ICE2: variants seen among roughly 807,000 people sequenced by gnomAD.
The protein encoded by ICE2 is interactor of little elongation complex ELL subunit 2.
In ICE2, 87 loss-of-function variants were observed where a neutral mutation model predicts 105.4. The ratio of observed to expected loss-of-function variants is 0.83; its 90% CI spans 0.69 to 0.99. The LOEUF (loss-of-function observed/expected upper bound fraction) is 0.99, where lower values mean the gene tolerates loss of function less well. Ranked by LOEUF, ICE2 falls within the 50% of genes least tolerant of loss-of-function variation. The probability of loss-of-function intolerance (pLI) is 0.00; values close to 1 mark genes in which losing one functional copy is unlikely to be tolerated. For missense variants in ICE2, 1,323 were observed against 1,146.7 expected (o/e 1.15, Z -2.22); for synonymous variants, 399 against 392.0 (o/e 1.02, Z -0.21).
chr15:60,432,147 T>G (rs907719996), intron 13 of ICE2, among the ~76,000 whole-genome samples, 163 bp from the exon 14 acceptor site: 4 of 151,622 alleles, frequency 2.6e-5, no homozygotes, highest in African/African-American at 7.3e-5. Context: ...TGGATTAAAT[T>G]ATGATATTTA....
At chr15:60,464,155 G>C (rs1050564538) in intron 5 of ICE2, among the ~76,000 whole-genome samples, 3 of 152,094 alleles carry the variant, frequency 2.0e-5, no homozygotes, top group Non-Finnish European at 4.4e-5. Flanking sequence ...ATACAACTTG[G>C]AGAAAATGTG....
At position 60,453,428 on chromosome 15, in the gene ICE2, G is replaced by A. The variant is rs2064014959; in HGVS notation, c.1125+175C>T. 5 of 1,381,494 alleles carry A rather than the reference G, an allele frequency of 3.6e-6. No individual in the cohort carries two copies. The Admixed American group carries it at 1.2e-4, about 34-fold the overall frequency. 85.6% of individuals were successfully genotyped at this position (1,381,494 alleles called of 1,614,324 possible). On this transcript the variant is annotated intron_variant, in intron 9 of 15. Transcript: ENST00000261520. ...TCATGTATGAAAGGAGAAAACTTAG[G>A]CTGAGGGAGGTTAAGTTAGTTGCCT...
At position 60,466,578 on chromosome 15, in the gene ICE2, T is replaced by G; in HGVS notation, c.528+16A>C. ...TATCACTTCGCAATTTACACAAATG[T>G]GAGTTGTTTTTTTACCTCTGTGAAG... On this transcript the variant is annotated intron_variant, in intron 5 of 15. Transcript: ENST00000261520. 1 of 1,608,378 alleles carries G rather than the reference T, an allele frequency of 6.2e-7. No homozygotes were observed. Among genetic ancestry groups the G allele is most frequent in the South Asian group, 1.1e-5 (1 of 89,810 alleles).
At chr15:60,470,846 A>AT (rs1427561063) in intron 3 of ICE2, among the ~76,000 whole-genome samples, 1 of 152,116 alleles carries the variant, frequency 6.6e-6, no homozygotes, top group Non-Finnish European at 1.5e-5. Flanking sequence ...TTTAAAAATT[A>AT]TATCTATTAA....
chr15:60,464,290 G>T (rs1351177988), intron 5 of ICE2, among the ~76,000 whole-genome samples: 7 of 152,132 alleles, frequency 4.6e-5, no homozygotes, highest in Non-Finnish European at 7.4e-5. Flanking sequence ...TTGAGCACCT[G>T]AGCACTTAAG....
intron 14 of ICE2, 45 bp downstream of exon 14, chr15:60,431,888 TA>T: frequency 9.4e-7 from 1 of 1,062,866 alleles, no homozygotes; most frequent in Non-Finnish European, 1.4e-6. Context: ...AATTTTCATC[TA>T]AGAAAATCAG....
chr15:60,458,265 G>C (rs75309015), intron 5 of ICE2, among the ~76,000 whole-genome samples: 7 of 152,204 alleles, frequency 4.6e-5, no homozygotes, highest in Admixed American at 1.3e-4. Context: ...GAAGTTAAAA[G>C]ATTCAGGCTG....
At position 60,428,506 on chromosome 15, in the gene ICE2, A is replaced by G. The variant is rs200819692; in HGVS notation, c.2743T>C (p.Leu915=). 8.7e-6 allele frequency: 14 copies of G among 1,614,188 alleles called. No homozygotes were observed. The South Asian group carries it at 1.2e-4, about 14-fold the overall frequency. Residue 915 remains leucine (L), a synonymous_variant, in exon 15 of 16, where the codon TTA becomes CTA. Coordinates refer to ENST00000261520, the MANE Select transcript of ICE2 (RefSeq NM_024611.6). ...PWVPLDPSLL[L]PYHIHHGRIP... ...CTTCCATGATGGATATGATATGGTA[A>G]TAACAGGCTGGGATCTAATGGGACC...
intron 2 of ICE2, among the ~76,000 whole-genome samples, chr15:60,477,187 T>C (rs1290773497): frequency 6.6e-6 from 1 of 152,248 alleles, no homozygotes; most frequent in African/African-American, 2.4e-5. Flanking sequence ...TCTTATTACC[T>C]TGTCGTGGTA....
chr15:60,478,047 G>A lies in ICE2; in HGVS notation c.-70C>T. 8 of 1,420,972 alleles carry A rather than the reference G, an allele frequency of 5.6e-6. No individual in the cohort carries two copies. The highest frequency in any genetic ancestry group is 8.0e-6 in the Non-Finnish European group (8 of 1,005,074). 88.0% of individuals were successfully genotyped at this position (1,420,972 alleles called of 1,614,324 possible). On this transcript the variant is annotated 5_prime_UTR_variant, in exon 2 of 16. Transcript: ENST00000261520. ...CTGGCTGCGAAGGCTCCAAGAGGCA[G>A]GATCCCTCCAGAACTTACTCAGCTG... is the stretch of plus-strand genomic sequence containing the variant.
chr15:60,437,004 G>A lies in ICE2; in HGVS notation c.2426-777C>T, dbSNP rs59866545. 3.9e-5 allele frequency among the ~76,000 whole-genome samples: 6 copies of A among 152,046 alleles called. No homozygotes were observed. In the East Asian group the frequency reaches 5.8e-4, roughly 15 times the overall value. ...GTGGTGGCTCACGCCTGAAATCCCC[G>A]CACTTTGGGAGGCCGAGGCGGGCAG... On this transcript the variant is annotated intron_variant, in intron 12 of 15. Coordinates refer to ENST00000261520, the MANE Select transcript of ICE2 (RefSeq NM_024611.6).
intron 5 of ICE2, among the ~76,000 whole-genome samples, chr15:60,458,163 T>G (rs2064177575): frequency 1.3e-5 from 2 of 152,146 alleles, no homozygotes; most frequent in African/African-American, 4.8e-5. Flanking sequence ...AGGTATTCGA[T>G]CAACTAAACG....
chr15:60,448,599 A>G (rs1381630677), intron 10 of ICE2, among the ~76,000 whole-genome samples: 3 of 152,204 alleles, frequency 2.0e-5, no homozygotes, highest in African/African-American at 7.2e-5. Flanking sequence ...AAATCACATT[A>G]CCTATAGCTT....
intron 3 of ICE2, among the ~76,000 whole-genome samples, chr15:60,475,235 C>T (rs1157172363): frequency 2.0e-5 from 3 of 151,976 alleles, no homozygotes; most frequent in East Asian, 1.9e-4. Flanking sequence ...TAGAAATAGT[C>T]GATCAAAAAG....
intron 5 of ICE2, among the ~76,000 whole-genome samples, chr15:60,459,373 G>A (rs1336624304): frequency 1.3e-5 from 2 of 152,104 alleles, no homozygotes; most frequent in Admixed American, 6.5e-5. Context: ...TTTAAATGTC[G>A]TGGAAAAAAG....
At chr15:60,429,060 T>G (rs183399389) in intron 14 of ICE2, among the ~76,000 whole-genome samples, 29 of 152,306 alleles carry the variant, frequency 1.9e-4, no homozygotes, top group African/African-American at 6.3e-4. Context: ...ACACTGCAAC[T>G]ATTTTGTACC....
rs371879715 is a variant in ICE2 at position 60,455,026 on chromosome 15, C to G, written c.920G>C (p.Cys307Ser). Reference sequence around the variant, plus strand: ...ACCTGCAACAGGTATTACTTGAATACACACTGGAATTTCCCACTGTTCCTT... The same window carrying G: ...ACCTGCAACAGGTATTACTTGAATAGACACTGGAATTTCCCACTGTTCCTT... Reference protein sequence around the residue: ...TYKEQWEIPVCIQVIPVAGSK... With the variant: ...TYKEQWEIPVSIQVIPVAGSK... Residue 307 changes from cysteine to serine, a missense_variant, in exon 8 of 16, where the codon TGT becomes TCT. Cys to Ser is a moderately radical substitution (Grantham distance 112). Coordinates refer to ENST00000261520, the MANE Select transcript of ICE2 (RefSeq NM_024611.6). 5 of 1,567,066 alleles carry G rather than the reference C, an allele frequency of 3.2e-6. No homozygotes were observed. Among genetic ancestry groups the G allele is most frequent in the Non-Finnish European group, 4.3e-6 (5 of 1,165,236 alleles).
chr15:60,478,738 G>C, intron 1 of ICE2: 1 of 346,864 alleles, frequency 2.9e-6, no homozygotes, highest in South Asian at 2.1e-5. Flanking sequence ...CTCACACTTC[G>C]ACCCAGTGTG....
At chr15:60,451,784 C>T (rs2141073211) in intron 9 of ICE2, 1 of 219,940 alleles carries the variant, frequency 4.5e-6, no homozygotes, top group Non-Finnish European at 7.7e-6. Context: ...TTTTATCCCC[C>T]TAGTCCTATG....
Sources: gnomAD v4.1 joint callset for allele counts (sites outside exome capture counted in the v4.1 genomes callset) on GRCh38, gnomAD v4.1.1 for gene constraint, MANE v1.5 for transcripts, NCBI Gene and HGNC (gene_info 2026-07-23, HGNC 2026-07-21) for gene names.